Variants in NEURL1B observed in about 807,000 individuals in gnomAD.
NEURL1B encodes the protein E3 ubiquitin-protein ligase NEURL1B.
Under a neutral mutation model 37.4 loss-of-function variants are expected in NEURL1B, and 13 were observed. The ratio of observed to expected loss-of-function variants is 0.35; its 90% confidence interval spans 0.23 to 0.55. The LOEUF is 0.55. Ranked by LOEUF, NEURL1B falls within the 20% of genes least tolerant of loss-of-function variation. The pLI, the probability that NEURL1B is intolerant of heterozygous loss-of-function variation, is 0.89. For missense variants in NEURL1B, 790 were observed against 879.2 expected (o/e 0.90, Z 1.28); for synonymous variants, 432 against 426.6 (o/e 1.01, Z -0.16).
At position 172,648,935 on chromosome 5, in the gene NEURL1B, C is replaced by A. The variant is rs549523146; in HGVS notation, c.31+7498C>A. Among the ~76,000 whole-genome samples the A allele has an allele frequency of 2.0e-5, 3 of 152,322 alleles. No individual in the cohort carries two copies. The East Asian group carries it at 5.8e-4, about 29-fold the overall frequency. ...GCTGATGCCCTGAGGGCTTTCTGGG[C>A]AGCAAATCAAAGGCCATGCCATCCC... On this transcript the variant is annotated intron_variant, in intron 1 of 4. Transcript: ENST00000369800.
chr5:172,656,154 C>T (rs147420866), intron 1 of NEURL1B, among the ~76,000 whole-genome samples: 46 of 152,066 alleles, frequency 3.0e-4, no homozygotes, highest in South Asian at 8.3e-4. Flanking sequence ...AAGAGAATGA[C>T]GGGGTGAGTG....
rs569972509 is a variant in NEURL1B, at chr5:172,665,892, G to A, written c.32-3893G>A. Among the ~76,000 whole-genome samples the A allele has an allele frequency of 6.6e-6, 1 of 152,308 alleles. No individual in the cohort carries two copies. The highest frequency in any genetic ancestry group is 2.4e-5 in the African/African-American group (1 of 41,560). On this transcript the variant is annotated intron_variant, in intron 1 of 4. Transcript: ENST00000369800. The surrounding 1 kb of genome is among the most constrained non-coding windows in gnomAD (Gnocchi z 4.1). ...GCCTGTTGTCGTTGGGCATTCAGCT[G>A]TGTGTCTGCTTGACCTGGAGAGACT... is the stretch of plus-strand genomic sequence containing the variant.
rs1453967077 is a variant in NEURL1B, at chr5:172,687,211, CTCTG to C, written c.*292_*295del. 1.3e-5 allele frequency: 4 copies of C among 305,410 alleles called. No homozygotes were observed. Among genetic ancestry groups the C allele is most frequent in the African/African-American group, 6.6e-5 (3 of 45,748 alleles). 18.9% of individuals were successfully genotyped at this position (305,410 alleles called of 1,614,324 possible). On this transcript the variant is annotated 3_prime_UTR_variant, in exon 5 of 5. Coordinates refer to ENST00000369800, the MANE Select transcript of NEURL1B (RefSeq NM_001142651.3). ...GACCTTTCAACTGGGAAACAGCGTCCTCTGTCTGTGCAATGCTTCTTGCTGGGGT... is the reference window on the plus strand; with the variant it reads ...GACCTTTCAACTGGGAAACAGCGTCCTCTGTGCAATGCTTCTTGCTGGGGT...
intron 1 of NEURL1B, among the ~76,000 whole-genome samples, chr5:172,644,207 G>T (rs556192838): frequency 8.5e-5 from 13 of 152,160 alleles, no homozygotes; most frequent in Non-Finnish European, 1.8e-4. Context: ...TGGGATGAAT[G>T]GATGAATTTA....
intron 1 of NEURL1B, among the ~76,000 whole-genome samples, chr5:172,650,796 G>A (rs1309756247): frequency 1.3e-5 from 2 of 152,240 alleles, no homozygotes; most frequent in Admixed American, 6.5e-5. Flanking sequence ...CTGCTGCTGT[G>A]TTGTTCCCCT....
chr5:172,677,105 A>G (rs527245171), intron 2 of NEURL1B, among the ~76,000 whole-genome samples: 1 of 152,032 alleles, frequency 6.6e-6, no homozygotes, highest in African/African-American at 2.4e-5. Context: ...GCCTGTAAGC[A>G]CACCTTGGGC....
intron 2 of NEURL1B, among the ~76,000 whole-genome samples, chr5:172,677,960 T>C (rs1420883886): frequency 1.3e-5 from 2 of 152,176 alleles, no homozygotes; most frequent in African/African-American, 4.8e-5. Flanking sequence ...CGTGAGTCCC[T>C]GCCCATCACT....
chr5:172,641,363 C>T lies in NEURL1B; in HGVS notation c.-44C>T. ...TGGCCCGCCGCGTAATTAGCCTCCG[C>T]GCGCCCAGAGCGCGCCGCCGCCAAC... is the stretch of plus-strand genomic sequence containing the variant. On this transcript the variant is annotated 5_prime_UTR_variant, in exon 1 of 5. Transcript: ENST00000369800. This position sits in a 1 kb window ranked among gnomAD's most constrained non-coding sequence, Gnocchi z 6.4. The T allele has an allele frequency of 7.2e-7, 1 of 1,381,150 alleles. No individual in the cohort carries two copies. Among genetic ancestry groups the T allele is most frequent in the Non-Finnish European group, 9.4e-7 (1 of 1,067,338 alleles). 85.6% of individuals were successfully genotyped at this position (1,381,150 alleles called of 1,614,324 possible). A position where few individuals can be genotyped will look rare whatever the true frequency, so the allele number is the denominator to read the frequency against.
chr5:172,689,263 C>T lies in NEURL1B; in HGVS notation c.*2338C>T, dbSNP rs1758580392. On this transcript the variant is annotated 3_prime_UTR_variant, in exon 5 of 5. Transcript: ENST00000369800. ...TGCTACAGAGGAGATGCACACGTCCCCACTATGTTCTGTCTTGAGAAGGGG... is the reference window on the plus strand; with the variant it reads ...TGCTACAGAGGAGATGCACACGTCCTCACTATGTTCTGTCTTGAGAAGGGG... 1 of 152,230 alleles carries T rather than the reference C, an allele frequency of 6.6e-6. No individual in the cohort carries two copies. Among genetic ancestry groups the T allele is most frequent in the Non-Finnish European group, 1.5e-5 (1 of 68,046 alleles). 9.4% of individuals were successfully genotyped at this position (152,230 alleles called of 1,614,324 possible).
chr5:172,654,037 A>T (rs1207825047), intron 1 of NEURL1B, among the ~76,000 whole-genome samples: 3 of 152,156 alleles, frequency 2.0e-5, no homozygotes, highest in East Asian at 3.9e-4. Context: ...TCCAAAGTGA[A>T]CTTCCTTCAT....
intron 1 of NEURL1B, among the ~76,000 whole-genome samples, chr5:172,648,045 C>A (rs544556598): frequency 6.6e-6 from 1 of 152,190 alleles, no homozygotes; most frequent in Non-Finnish European, 1.5e-5. Context: ...ATCCAGGGCC[C>A]GCGTCTGTCC....
intron 2 of NEURL1B, among the ~76,000 whole-genome samples, chr5:172,673,003 G>A (rs1758160282): frequency 7.0e-6 from 1 of 141,998 alleles, no homozygotes; most frequent in Non-Finnish European, 1.5e-5. Flanking sequence ...GGAAGTTTCT[G>A]ACACGTGATT....
rs1302236380 is a variant in NEURL1B, at chr5:172,669,930, C to T, written c.177C>T (p.Ala59=). ...NVRLDGHSRR[A]TRRNSFCNGV... ...GGCTGGACGGCCACTCGCGCCGGGC[C>T]ACACGGCGCAACAGCTTCTGCAATG... The change falls in exon 2 of 5, where the codon GCC becomes GCT. Residue 59 remains alanine (A), a synonymous_variant. Coordinates refer to ENST00000369800, the MANE Select transcript of NEURL1B (RefSeq NM_001142651.3). 3.4e-6 allele frequency: 5 copies of T among 1,454,844 alleles called. No homozygotes were observed. Among genetic ancestry groups the T allele is most frequent in the East Asian group, 5.7e-5 (2 of 34,786 alleles). The allele number at this position is 1,454,844 out of a possible 1,614,324, so 90.1% of individuals were successfully genotyped here.
chr5:172,649,178 T>G (rs1353714926), intron 1 of NEURL1B, among the ~76,000 whole-genome samples: 1 of 151,850 alleles, frequency 6.6e-6, no homozygotes, highest in Non-Finnish European at 1.5e-5. Flanking sequence ...GTCACTGGAG[T>G]ACACAGGTAA....
At chr5:172,663,016 C>T (rs1303273898) in intron 1 of NEURL1B, among the ~76,000 whole-genome samples, 1 of 129,552 alleles carries the variant, frequency 7.7e-6, no homozygotes, top group African/African-American at 3.0e-5. Flanking sequence ...TGCTTGAGCC[C>T]AGGAGTTCGA....
At chr5:172,656,842 A>T (rs953195450) in intron 1 of NEURL1B, 1 of 608,786 alleles carries the variant, frequency 1.6e-6, no homozygotes, top group African/African-American at 1.8e-5. Flanking sequence ...CATCTTTAGG[A>T]TGGGGATAAT....
Position 172,655,889 on chromosome 5 carries a change from C to T in NEURL1B, c.32-13896C>T, listed in dbSNP as rs1757766932. Among the ~76,000 whole-genome samples the T allele has an allele frequency of 2.0e-5, 3 of 152,060 alleles. No individual in the cohort carries two copies. The South Asian group carries it at 6.2e-4, about 32-fold the overall frequency. ...AGGGGAATATAATCACGGGCGAGCCCCCAAATTGTTATATATAAAGTTTCG... is the reference window on the plus strand; with the variant it reads ...AGGGGAATATAATCACGGGCGAGCCTCCAAATTGTTATATATAAAGTTTCG... On this transcript the variant is annotated intron_variant, in intron 1 of 4. Transcript: ENST00000369800.
chr5:172,668,494 C>T (rs1202790147), intron 1 of NEURL1B, among the ~76,000 whole-genome samples: 3 of 152,164 alleles, frequency 2.0e-5, no homozygotes, highest in Non-Finnish European at 4.4e-5. Context: ...TCATCATTGC[C>T]TCTCCCTCTT....
chr5:172,670,210 C>T lies in NEURL1B; in HGVS notation c.457C>T (p.Arg153Cys). The change falls in exon 2 of 5, where the codon CGC (arginine) becomes TGC (cysteine). Residue 153 changes from arginine (R) to cysteine (C), a missense_variant. Physicochemically the swap from Arg to Cys is radical, Grantham distance 180 (BLOSUM62 -3). Around this residue, in one of 3 missense-constraint regions of NEURL1B, gnomAD observed 215 missense variants for 309.2 expected, o/e 0.70. Coordinates refer to ENST00000369800, the MANE Select transcript of NEURL1B (RefSeq NM_001142651.3). ...GGCCTACTGGGCCGACCGCCACGGC[C>T]GCGTGTTCTACAGCGTGAACGACGG... ...VLAYWADRHG[R>C]VFYSVNDGEP... The T allele has an allele frequency of 1.4e-6, 2 of 1,452,826 alleles. No homozygotes were observed. The highest frequency in any genetic ancestry group is 9.0e-7 in the Non-Finnish European group (1 of 1,106,762). 90.0% of individuals were successfully genotyped at this position (1,452,826 alleles called of 1,614,324 possible).
Sources: allele counts gnomAD v4.1 joint callset (sites outside exome capture counted in the v4.1 genomes callset), GRCh38; gene constraint gnomAD v4.1.1; regional missense constraint gnomAD v4.1.1; non-coding constraint Gnocchi (gnomAD v3.1); transcripts MANE v1.5; gene names NCBI Gene and HGNC (gene_info 2026-07-23, HGNC 2026-07-21).